The following FREM1 variants were observed in gnomAD, a reference collection of about 807,000 sequenced individuals.
FREM1 encodes the protein FRAS1 related extracellular matrix 1.
Under a neutral mutation model 210.1 loss-of-function variants are expected in FREM1, and 220 were observed. The ratio of observed to expected loss-of-function variants is 1.05; its 90% CI spans 0.94 to 1.17. FREM1 has a LOEUF of 1.17. Among genes scored for constraint, FREM1 ranks in the 50% most tolerant of loss-of-function variants. The probability of loss-of-function intolerance (pLI) is 0.00; values close to 1 mark genes in which losing one functional copy is unlikely to be tolerated. For synonymous variants in FREM1, 1,189 were observed against 980.2 expected (o/e 1.21, Z -3.98); for missense variants, 3,454 against 2,675.5 (o/e 1.29, Z -6.42).
At chr9:14,804,823 A>T in intron 19 of FREM1, 133 bp downstream of exon 19, 1 of 598,570 alleles carries the variant, frequency 1.7e-6, no homozygotes, top group Non-Finnish European at 2.9e-6. Flanking sequence ...AAATGATTGC[A>T]TTACATAACA....
chr9:14,757,987 A>T (rs998249760), intron 28 of FREM1, among the ~76,000 whole-genome samples: 78 of 152,224 alleles, frequency 5.1e-4, no homozygotes, highest in African/African-American at 1.9e-3. Flanking sequence ...ATGTCCAATT[A>T]CCTAGTATTT....
chr9:14,793,367 G>A (rs1851759830), intron 21 of FREM1, among the ~76,000 whole-genome samples: 1 of 152,068 alleles, frequency 6.6e-6, no homozygotes, highest in South Asian at 2.1e-4. Flanking sequence ...AGGTAATCTG[G>A]GACTCTCTAA....
At chr9:14,801,920 C>G in intron 19 of FREM1, 46 bp from the exon 20 acceptor site, 1 of 1,378,314 alleles carries the variant, frequency 7.3e-7, no homozygotes, top group Non-Finnish European at 1.0e-6. Context: ...TAAAAGACAA[C>G]TTGTCTTTCT....
chr9:14,880,219 C>G (rs78324738), intron 1 of FREM1, among the ~76,000 whole-genome samples: 8,830 of 152,120 alleles, frequency 0.058, 840 homozygotes, highest in African/African-American at 0.2. Context: ...TTTAAGCCAC[C>G]CTGTCTACGG....
chr9:14,905,675 G>C (rs1166958396), intron 1 of FREM1, among the ~76,000 whole-genome samples: 1 of 152,204 alleles, frequency 6.6e-6, no homozygotes, highest in Admixed American at 6.5e-5. Flanking sequence ...GATCACCTGA[G>C]GTCAGGAGTT....
chr9:14,774,208 C>T (rs1174845894), intron 25 of FREM1: 2 of 509,052 alleles, frequency 3.9e-6, no homozygotes, highest in Non-Finnish European at 7.8e-6. Flanking sequence ...GTCTGTGAGG[C>T]TTCATTTCAT....
At chr9:14,819,033 G>C (rs1404700990) in intron 14 of FREM1, among the ~76,000 whole-genome samples, 1 of 152,102 alleles carries the variant, frequency 6.6e-6, no homozygotes, top group Non-Finnish European at 1.5e-5. Context: ...CACTGGTATA[G>C]CAAGTCAGAT....
chr9:14,755,807 G>A (rs1329295156), intron 29 of FREM1, among the ~76,000 whole-genome samples: 1 of 152,192 alleles, frequency 6.6e-6, no homozygotes, highest in Non-Finnish European at 1.5e-5. Flanking sequence ...TCTTGTCTGT[G>A]TTTCTCACAC....
chr9:14,891,678 C>T (rs551009367), intron 1 of FREM1, among the ~76,000 whole-genome samples: 1 of 152,090 alleles, frequency 6.6e-6, no homozygotes, highest in Non-Finnish European at 1.5e-5. Flanking sequence ...GGTACGCTTC[C>T]CAGAAGGGGA....
chr9:14,906,085 T>C (rs1201318402), intron 1 of FREM1, among the ~76,000 whole-genome samples: 1 of 152,194 alleles, frequency 6.6e-6, no homozygotes, highest in Middle Eastern at 3.2e-3. Context: ...TTTTCAGACA[T>C]TATACTTGTA....
intron 1 of FREM1, among the ~76,000 whole-genome samples, chr9:14,901,947 T>TC (rs1413901857): frequency 1.7e-4 from 26 of 151,680 alleles, no homozygotes; most frequent in African/African-American, 6.3e-4. Flanking sequence ...GACCACTGGG[T>TC]CTCAAGTGAT....
At chr9:14,746,776 C>T (rs1842516950) in intron 34 of FREM1, 147 bp downstream of exon 34, 3 of 945,750 alleles carry the variant, frequency 3.2e-6, no homozygotes, top group Admixed American at 3.0e-5. Flanking sequence ...CCACTTTGGG[C>T]CATTTTTTCC....
chr9:14,902,333 C>G (rs770653557), intron 1 of FREM1, among the ~76,000 whole-genome samples: 1 of 152,144 alleles, frequency 6.6e-6, no homozygotes, highest in Non-Finnish European at 1.5e-5. Flanking sequence ...CATTATCTCA[C>G]ATGGTTGATA....
chr9:14,822,020 G>A (rs1166562639), intron 13 of FREM1, among the ~76,000 whole-genome samples: 1 of 152,156 alleles, frequency 6.6e-6, no homozygotes, highest in Admixed American at 6.5e-5. Context: ...CATAGGGGCA[G>A]TTTCCCCCAT....
chr9:14,748,672 C>T (rs1426113861), intron 30 of FREM1, 33 bp from the exon 31 acceptor site: 37 of 1,364,060 alleles, frequency 2.7e-5, no homozygotes, highest in Non-Finnish European at 3.7e-5. Context: ...GCGGTCAGTT[C>T]ATTTTACACA....
At chr9:14,798,408 C>T (rs1230914514) in intron 20 of FREM1, among the ~76,000 whole-genome samples, 3 of 151,942 alleles carry the variant, frequency 2.0e-5, no homozygotes, top group Non-Finnish European at 2.9e-5. Context: ...GCCAGGAGTT[C>T]GAGGCCAGTT....
Position 14,770,664 on chromosome 9 carries a change from T to C in FREM1, c.5000A>G (p.Gln1667Arg). 1.2e-6 allele frequency: 2 copies of C among 1,613,592 alleles called. No homozygotes were observed. The highest frequency in any genetic ancestry group is 1.7e-6 in the Non-Finnish European group (2 of 1,179,598). The change falls in exon 26 of 37, where the codon CAG becomes CGG. Residue 1667 changes from glutamine to arginine, a missense_variant. Coordinates refer to ENST00000380880, the MANE Select transcript of FREM1 (RefSeq NM_001379081.2). Reference protein sequence around the residue: ...KASDPDTEDDQIIFKILQGPK... With the variant: ...KASDPDTEDDRIIFKILQGPK... The stretch of plus-strand genomic sequence containing the variant: ...GCCTTGTAGAATTTTAAAGATGATC[T>C]GATCGTCCTCAGTGTCAGGGTCTGA...
Position 14,846,045 on chromosome 9 carries a change from C to T in FREM1, c.1308G>A (p.Gln436=). 2 of 1,605,488 alleles carry T rather than the reference C, an allele frequency of 1.2e-6. No homozygotes were observed. Among genetic ancestry groups the T allele is most frequent in the Non-Finnish European group, 1.7e-6 (2 of 1,175,472 alleles). ...TGTCGTCATTGTCGACAACCTGAAA[C>T]TGTTCCCAAGTGATGGCTCGAGACT... ...EGQSRAITWE[Q]FQVVDNDDIG... is the part of the protein sequence containing the mutation. The change falls in exon 8 of 37, where the codon CAG becomes CAA. Residue 436 remains glutamine, a synonymous_variant. Coordinates refer to ENST00000380880, the MANE Select transcript of FREM1 (RefSeq NM_001379081.2).
chr9:14,904,114 CAAAAAAAAAA>C (rs35708320), intron 1 of FREM1, among the ~76,000 whole-genome samples: 2 of 71,664 alleles, frequency 2.8e-5, no homozygotes, highest in East Asian at 8.8e-4. Flanking sequence ...GACTCCGTCT[CAAAAAAAAAA>C]AAAAAAAAAA....
Sources: allele counts gnomAD v4.1 joint callset (sites outside exome capture counted in the v4.1 genomes callset), GRCh38; gene constraint gnomAD v4.1.1; transcripts MANE v1.5; gene names NCBI Gene and HGNC (gene_info 2026-07-23, HGNC 2026-07-21).